Variants in ADGB observed in about 807,000 individuals in gnomAD.
The protein encoded by ADGB is calpain-7-like protein.
In ADGB, 172 loss-of-function variants were observed where a neutral mutation model predicts 210.5. The observed-to-expected ratio is 0.82, with a 90% CI of 0.72 to 0.93. ADGB has a LOEUF of 0.93. Ranked by LOEUF, ADGB falls within the 40% of genes least tolerant of loss-of-function variation. The pLI is 0.00. For missense variants in ADGB, 2,025 were observed against 1,964.8 expected, an observed-to-expected ratio of 1.03 and a Z score of -0.58; for synonymous variants, 658 against 662.7, an observed-to-expected ratio of 0.99 and a Z score of 0.11.
intron 3 of ADGB, among the ~76,000 whole-genome samples, chr6:146,653,532 A>G (rs994457930): frequency 1.8e-4 from 27 of 152,154 alleles, no homozygotes; most frequent in Admixed American, 1.8e-3. Flanking sequence ...AGTGGGAGCT[A>G]AATGATGAGA....
chr6:146,628,658 G>A (rs1248114957), intron 1 of ADGB, among the ~76,000 whole-genome samples: 1 of 151,574 alleles, frequency 6.6e-6, no homozygotes, highest in African/African-American at 2.4e-5. Flanking sequence ...GAACTGTCTC[G>A]TATGCTGTTC....
intron 16 of ADGB, among the ~76,000 whole-genome samples, chr6:146,720,457 G>A (rs4896884): frequency 0.78 from 118,971 of 151,794 alleles, 47,239 homozygotes; most frequent in African/African-American, 0.91. Flanking sequence ...CCTTTAAGGA[G>A]AGTTTTGATT....
chr6:146,656,681 G>A (rs1775785714), intron 4 of ADGB, 90 bp from the exon 5 acceptor site: 1 of 814,844 alleles, frequency 1.2e-6, no homozygotes, highest in Non-Finnish European at 1.9e-6. Context: ...TATTATTCTT[G>A]GAAGTGGATT....
rs1583630368 is a variant in ADGB, at chr6:146,768,913, C to G, written c.3751-107C>G. On this transcript the variant is annotated intron_variant, in intron 28 of 35. Coordinates refer to ENST00000397944, the MANE Select transcript of ADGB (RefSeq NM_024694.4). ...CATGATTTAACTAAATTATGACTGT[C>G]TGATCTGGAAAATTCTGCATTTATC... The G allele has an allele frequency of 3.6e-5, 19 of 526,312 alleles. No individual in the cohort carries two copies. In the East Asian group the frequency reaches 5.7e-4, roughly 16 times the overall value. The allele number at this position is 526,312 out of a possible 1,614,324, so 32.6% of individuals were successfully genotyped here.
chr6:146,783,847 A>G (rs76997781), intron 30 of ADGB, among the ~76,000 whole-genome samples: 1,880 of 152,294 alleles, frequency 0.012, 31 homozygotes, highest in African/African-American at 0.041. Flanking sequence ...CTCCCAGCCT[A>G]TGATACATGC....
At chr6:146,602,669 C>T (rs1187550124) in intron 1 of ADGB, among the ~76,000 whole-genome samples, 1 of 152,148 alleles carries the variant, frequency 6.6e-6, no homozygotes, top group Non-Finnish European at 1.5e-5. Flanking sequence ...AGGGTCCCCA[C>T]CCGCTGGGGC....
At chr6:146,652,543 A>G (rs1775717024) in intron 3 of ADGB, among the ~76,000 whole-genome samples, 2 of 152,134 alleles carry the variant, frequency 1.3e-5, no homozygotes, top group South Asian at 4.1e-4. Context: ...GGTATGTTAA[A>G]TATATATACT....
In ADGB at chr6:146,676,440, T is replaced by C; in HGVS notation, c.1215T>C (p.Asp405=). The change falls in exon 9 of 36, where the codon GAT becomes GAC. Residue 405 remains aspartate, a splice_region_variant and synonymous_variant. Coordinates refer to ENST00000397944, the MANE Select transcript of ADGB (RefSeq NM_024694.4). ...EVQYSVQSLS[D]CSSAIQTSHM... Reference sequence around the variant, plus strand: ...AGTACTCTGTGCAGTCCCTATCAGATTGTAAGCTCCTAATTTCTTAGAATA... The same window carrying C: ...AGTACTCTGTGCAGTCCCTATCAGACTGTAAGCTCCTAATTTCTTAGAATA... 1.4e-6 allele frequency: 2 copies of C among 1,394,762 alleles called. No individual in the cohort carries two copies. The highest frequency in any genetic ancestry group is 1.8e-5 in the South Asian group (1 of 56,378). 86.4% of individuals were successfully genotyped at this position (1,394,762 alleles called of 1,614,324 possible).
At chr6:146,806,694 T>C (rs997965045) in intron 35 of ADGB, among the ~76,000 whole-genome samples, 2 of 152,222 alleles carry the variant, frequency 1.3e-5, no homozygotes, top group Admixed American at 1.3e-4. Context: ...ATTCTTTGAT[T>C]ATATTACTTT....
intron 1 of ADGB, among the ~76,000 whole-genome samples, chr6:146,607,473 G>A (rs1185165198): frequency 6.6e-6 from 1 of 152,088 alleles, no homozygotes; most frequent in Non-Finnish European, 1.5e-5. Flanking sequence ...TCATGTTCTG[G>A]TTCTCAAGGG....
chr6:146,745,100 T>C (rs890977232), intron 25 of ADGB, among the ~76,000 whole-genome samples: 1 of 152,204 alleles, frequency 6.6e-6, no homozygotes, highest in African/African-American at 2.4e-5. Context: ...TCTAGATGTG[T>C]ATGAAACTTT....
chr6:146,647,116 A>C (rs148144559), intron 3 of ADGB, among the ~76,000 whole-genome samples: 2,919 of 143,860 alleles, frequency 0.02, 151 homozygotes, highest in African/African-American at 0.077. Context: ...AAAAAACAAA[A>C]AACAAACAAA....
intron 2 of ADGB, among the ~76,000 whole-genome samples, chr6:146,638,500 A>G (rs542831158): frequency 6.6e-6 from 1 of 150,776 alleles, no homozygotes; most frequent in African/African-American, 2.4e-5. Context: ...AAACTATCGC[A>G]AGGACAAAAA....
At chr6:146,762,513 A>G (rs1240881164) in intron 27 of ADGB, among the ~76,000 whole-genome samples, 1 of 151,946 alleles carries the variant, frequency 6.6e-6, no homozygotes, top group African/African-American at 2.4e-5. Flanking sequence ...CTTCATATCT[A>G]TTTCTATTGA....
At chr6:146,751,188 T>C (rs1409405447) in intron 26 of ADGB, among the ~76,000 whole-genome samples, 1 of 144,630 alleles carries the variant, frequency 6.9e-6, no homozygotes, top group Non-Finnish European at 1.5e-5. Flanking sequence ...TGTCCATGTG[T>C]TCTCATTGTT....
Position 146,692,832 on chromosome 6 carries a change from A to T in ADGB, c.1494A>T (p.Ile498=). 1 of 1,516,088 alleles carries T rather than the reference A, an allele frequency of 6.6e-7. No individual in the cohort carries two copies. The highest frequency in any genetic ancestry group is 1.8e-4 in the Middle Eastern group (1 of 5,714). 93.9% of individuals were successfully genotyped at this position (1,516,088 alleles called of 1,614,324 possible). A position where few individuals can be genotyped will look rare whatever the true frequency, so the allele number is the denominator to read the frequency against. ...TVITDEAQEL[I]VKKPERFLEI... ...CTAACTGCTACTTTTTAGAGTTAAT[A>T]GTAAAGAAGCCTGAACGGTTCCTTG... Residue 498 remains isoleucine, a synonymous_variant, in exon 12 of 36, where the codon ATA becomes ATT. Transcript: ENST00000397944.
chr6:146,672,618 GT>G (rs1453351291), intron 8 of ADGB, among the ~76,000 whole-genome samples, 151 bp downstream of exon 8: 1 of 152,114 alleles, frequency 6.6e-6, no homozygotes, highest in Non-Finnish European at 1.5e-5. Flanking sequence ...TTCAAGGCAG[GT>G]CACAGAATGA....
At chr6:146,610,633 G>A (rs371930095) in intron 1 of ADGB, among the ~76,000 whole-genome samples, 9 of 152,250 alleles carry the variant, frequency 5.9e-5, no homozygotes, top group African/African-American at 1.7e-4. Flanking sequence ...GCACTCCTGA[G>A]CTGTATGCTC....
At chr6:146,730,844 C>A (rs954576681) in intron 20 of ADGB, among the ~76,000 whole-genome samples, 2 of 152,118 alleles carry the variant, frequency 1.3e-5, no homozygotes, top group African/African-American at 4.8e-5. Flanking sequence ...GAGGCTGAGG[C>A]AGGAGAATTG....
Sources: gnomAD v4.1 joint callset for allele counts (sites outside exome capture counted in the v4.1 genomes callset) on GRCh38, gnomAD v4.1.1 for gene constraint, MANE v1.5 for transcripts, NCBI Gene and HGNC (gene_info 2026-07-23, HGNC 2026-07-21) for gene names.